Variants in RBM20 observed in about 807,000 individuals in gnomAD.
The protein encoded by RBM20 is RNA-binding protein 20.
In RBM20, 51 loss-of-function variants were observed where a neutral mutation model predicts 110.1. That is an observed-to-expected ratio of 0.46 (90% confidence interval 0.37 to 0.59). The LOEUF is 0.59. RBM20 is among the 20% of genes least tolerant of loss of function. RBM20 has a pLI of 0.00. For synonymous variants in RBM20, 589 were observed against 618.2 expected (o/e 0.95, Z 0.70); for missense variants, 1,512 against 1,574.9 (o/e 0.96, Z 0.68).
chr10:110,832,728 T>C (rs1845072820), intron 13 of RBM20, among the ~76,000 whole-genome samples: 1 of 152,192 alleles, frequency 6.6e-6, no homozygotes, highest in African/African-American at 2.4e-5. Context: ...CTGAGACCCA[T>C]AATGTCATGG....
At chr10:110,686,317 G>C (rs1374171398) in intron 1 of RBM20, among the ~76,000 whole-genome samples, 2 of 151,392 alleles carry the variant, frequency 1.3e-5, no homozygotes, top group Non-Finnish European at 2.9e-5. Context: ...CTTCCGCTTG[G>C]CCCCCCTATA....
chr10:110,726,583 G>C lies in RBM20; in HGVS notation c.192-54218G>C, dbSNP rs567908170. ...CTCAGTGTCTTTGTCTGTGAGGTGG[G>C]ACTAACACCCGCTTCTTTGGTTTTT... is the stretch of plus-strand genomic sequence containing the variant. On this transcript the variant is annotated intron_variant, in intron 1 of 13. Transcript: ENST00000369519. Among the ~76,000 whole-genome samples the C allele has an allele frequency of 2.0e-5, 3 of 152,262 alleles. No homozygotes were observed. The East Asian group carries it at 5.8e-4, about 29-fold the overall frequency.
chr10:110,800,750 T>G lies in RBM20; in HGVS notation c.1800+832T>G, dbSNP rs79135650. Among the ~76,000 whole-genome samples the G allele has an allele frequency of 3.8e-3, 575 of 152,350 alleles. 4 individuals carry two copies. The highest frequency in any genetic ancestry group is 0.014 in the African/African-American group (564 of 41,580). The stretch of plus-strand genomic sequence containing the variant: ...TATATGCCTCCCTAAACATTATGGT[T>G]TAGTTTTGCCTGTTTTTGAACTTTA... On this transcript the variant is annotated intron_variant, in intron 7 of 13. Transcript: ENST00000369519.
Position 110,837,626 on chromosome 10 carries a change from C to G in RBM20, c.*1648C>G, listed in dbSNP as rs1171225832. ...GAGAGCATACTGTACATTCTGTCCT[C>G]TGTACTAATGGAGGAAGGGCAGAGA... On this transcript the variant is annotated 3_prime_UTR_variant, in exon 14 of 14. Coordinates refer to ENST00000369519, the MANE Select transcript of RBM20 (RefSeq NM_001134363.3). 1 of 152,162 alleles carries G rather than the reference C, an allele frequency of 6.6e-6. No homozygotes were observed. 9.4% of individuals were successfully genotyped at this position (152,162 alleles called of 1,614,324 possible).
chr10:110,686,318 C>T (rs1339406562), intron 1 of RBM20, among the ~76,000 whole-genome samples: 5 of 151,808 alleles, frequency 3.3e-5, no homozygotes, highest in Non-Finnish European at 5.9e-5. Context: ...TTCCGCTTGG[C>T]CCCCCTATAG....
Position 110,821,665 on chromosome 10 carries a change from G to A in RBM20, c.3046G>A (p.Gly1016Ser), listed in dbSNP as rs794729156. ...AERKPAESET[G>S]LSLEDSDCYE... ...GCGGAAGCCAGCTGAAAGTGAGACA[G>A]GCCTCTCCCTGGAGGATTCAGATTG... Residue 1016 changes from glycine (G) to serine (S), a missense_variant, in exon 11 of 14, where the codon GGC becomes AGC. By Grantham distance (56) the Gly-to-Ser change is moderately conservative. This residue lies in a region of RBM20 where 358 missense variants were observed against 384.2 expected (regional missense o/e 0.93). Transcript: ENST00000369519. 1.5e-5 allele frequency: 23 copies of A among 1,551,700 alleles called. No individual in the cohort carries two copies. In the Admixed American group the frequency reaches 4.5e-4, roughly 30 times the overall value.
chr10:110,701,996 G>A (rs1248858998), intron 1 of RBM20, among the ~76,000 whole-genome samples: 4 of 152,160 alleles, frequency 2.6e-5, no homozygotes, highest in African/African-American at 7.2e-5. Context: ...GAAGCAGGAC[G>A]TGATTGCGTG....
intron 1 of RBM20, among the ~76,000 whole-genome samples, chr10:110,771,378 C>T (rs1844187179): frequency 6.6e-6 from 1 of 152,158 alleles, no homozygotes; most frequent in African/African-American, 2.4e-5. Context: ...ATCCGCCTGC[C>T]TCACCCTCCG....
At chr10:110,694,360 G>A (rs1294613042) in intron 1 of RBM20, among the ~76,000 whole-genome samples, 1 of 152,288 alleles carries the variant, frequency 6.6e-6, no homozygotes, top group East Asian at 1.9e-4. Context: ...TTAAAGAACT[G>A]AATTCATTCT....
At chr10:110,673,644 C>T (rs755275245) in intron 1 of RBM20, among the ~76,000 whole-genome samples, 11 of 152,178 alleles carry the variant, frequency 7.2e-5, no homozygotes, top group African/African-American at 2.4e-4. Flanking sequence ...AGGCCACAGG[C>T]GAGGAGAGCT....
At chr10:110,737,656 A>C (rs1843686318) in intron 1 of RBM20, among the ~76,000 whole-genome samples, 1 of 151,582 alleles carries the variant, frequency 6.6e-6, no homozygotes, top group African/African-American at 2.4e-5. Context: ...TTGGAATGAT[A>C]TGGTGTATAC....
In RBM20 at chr10:110,644,729, C is replaced by T. The variant is rs1335074037; in HGVS notation, c.191+84C>T. 8.4e-6 allele frequency: 9 copies of T among 1,066,886 alleles called. No homozygotes were observed. In the Admixed American group the frequency reaches 1.4e-4, roughly 17 times the overall value. The allele number at this position is 1,066,886 out of a possible 1,614,324, so 66.1% of individuals were successfully genotyped here. ...CCCCTTTGTGGCTTCATTTCCCGTC[C>T]CTGCTGAACTTCGCTCGCCCCCCTT... On this transcript the variant is annotated intron_variant, in intron 1 of 13. Coordinates refer to ENST00000369519, the MANE Select transcript of RBM20 (RefSeq NM_001134363.3). This position sits in a 1 kb window ranked among gnomAD's most constrained non-coding sequence, Gnocchi z 4.3.
rs1332026931 is a variant in RBM20, at chr10:110,644,577, G to A, written c.123G>A (p.Met41Ile). ...CGGCACCCTCCGGCCCGCGAGGGAT[G>A]CAGCAGCCGCCGCCGCCGCCCCAGC... is the stretch of plus-strand genomic sequence containing the variant. ...ASPAPSGPRG[M>I]QQPPPPPQPP... Residue 41 changes from methionine to isoleucine, a missense_variant, in exon 1 of 14, where the codon ATG becomes ATA. Transcript: ENST00000369519. The surrounding 1 kb of genome is among the most constrained non-coding windows in gnomAD (Gnocchi z 4.3). The A allele has an allele frequency of 2.0e-6, 3 of 1,525,920 alleles. No individual in the cohort carries two copies. The highest frequency in any genetic ancestry group is 2.6e-6 in the Non-Finnish European group (3 of 1,140,424). 94.5% of individuals were successfully genotyped at this position (1,525,920 alleles called of 1,614,324 possible).
At chr10:110,675,393 T>G (rs1238798381) in intron 1 of RBM20, among the ~76,000 whole-genome samples, 2 of 152,234 alleles carry the variant, frequency 1.3e-5, no homozygotes, top group East Asian at 3.8e-4. Context: ...ATCATCATTA[T>G]GAGCAGCTGT....
chr10:110,823,452 T>TC, intron 11 of RBM20, 28 bp from the exon 12 acceptor site: 16 of 898,968 alleles, frequency 1.8e-5, no homozygotes, highest in Middle Eastern at 3.6e-4. Flanking sequence ...TTTTTTTTTT[T>TC]TTTTTTGCCT....
chr10:110,768,914 G>A (rs1844146966), intron 1 of RBM20, among the ~76,000 whole-genome samples: 1 of 151,188 alleles, frequency 6.6e-6, no homozygotes, highest in Admixed American at 6.6e-5. Flanking sequence ...TTGACCCTTT[G>A]TGGACTTGTG....
chr10:110,644,388 G>C lies in RBM20; in HGVS notation c.-67G>C, dbSNP rs1005412181. On this transcript the variant is annotated 5_prime_UTR_variant, in exon 1 of 14. Coordinates refer to ENST00000369519, the MANE Select transcript of RBM20 (RefSeq NM_001134363.3). This position sits in a 1 kb window ranked among gnomAD's most constrained non-coding sequence, Gnocchi z 4.3. ...GGCACGGGGACCCCGGCCAGTGAGC[G>C]CCCGTGGCCCGGGACCGCCCCTCCC... 1 of 1,281,462 alleles carries C rather than the reference G, an allele frequency of 7.8e-7. No homozygotes were observed. The allele number at this position is 1,281,462 out of a possible 1,614,324, so 79.4% of individuals were successfully genotyped here.
chr10:110,748,578 C>T (rs914019698), intron 1 of RBM20, among the ~76,000 whole-genome samples: 1 of 152,094 alleles, frequency 6.6e-6, no homozygotes, highest in Admixed American at 6.6e-5. Context: ...TAGGGGGTAG[C>T]TCTCTTTTGA....
intron 1 of RBM20, among the ~76,000 whole-genome samples, chr10:110,764,983 C>G (rs1223096374): frequency 6.6e-6 from 1 of 152,040 alleles, no homozygotes; most frequent in Non-Finnish European, 1.5e-5. Context: ...GTGTCCCCAC[C>G]CCCTCCGTTT....
Sources: gnomAD v4.1 joint callset for allele counts (sites outside exome capture counted in the v4.1 genomes callset) on GRCh38, gnomAD v4.1.1 for gene constraint, gnomAD v4.1.1 regional missense constraint, Gnocchi (gnomAD v3.1) non-coding constraint, MANE v1.5 for transcripts, NCBI Gene and HGNC (gene_info 2026-07-23, HGNC 2026-07-21) for gene names.